The following CLHC1 variants were observed in gnomAD, a reference collection of about 807,000 sequenced individuals.
CLHC1 encodes clathrin heavy chain linker domain containing 1.
A neutral mutation model predicts 69.5 loss-of-function variants in CLHC1; 72 were observed. The ratio of observed to expected loss-of-function variants is 1.04; its 90% CI spans 0.86 to 1.26. The LOEUF (loss-of-function observed/expected upper bound fraction) is 1.26, where lower values mean the gene tolerates loss of function less well. Among genes scored for constraint, CLHC1 ranks in the 50% most tolerant of loss-of-function variants. The pLI is 0.00. For synonymous variants in CLHC1, 223 were observed against 224.3 expected (o/e 0.99, Z 0.05); for missense variants, 790 against 679.3 (o/e 1.16, Z -1.81).
At chr2:55,202,262 A>AG (rs1672017499) in intron 9 of CLHC1, among the ~76,000 whole-genome samples, 1 of 151,694 alleles carries the variant, frequency 6.6e-6, no homozygotes, top group Admixed American at 6.6e-5. Context: ...TTTGAAAAAA[A>AG]AAAAAAAACC....
chr2:55,204,384 G>A (rs1189014944), intron 9 of CLHC1, among the ~76,000 whole-genome samples: 2 of 152,192 alleles, frequency 1.3e-5, no homozygotes, highest in East Asian at 3.8e-4. Context: ...TTGATCATTA[G>A]AGACATACAA....
intron 9 of CLHC1, among the ~76,000 whole-genome samples, chr2:55,185,750 C>A (rs111482269): frequency 1.4e-4 from 21 of 152,246 alleles, no homozygotes; most frequent in African/African-American, 4.1e-4. Context: ...TCTTACTAAT[C>A]TTTGTATCTT....
chr2:55,175,794 CA>C lies in CLHC1; in HGVS notation c.1756del (p.Trp586GlyfsTer6), dbSNP rs1180156078. The C allele has an allele frequency of 4.3e-6, 7 of 1,613,246 alleles. No homozygotes were observed. Among genetic ancestry groups the C allele is most frequent in the Middle Eastern group, 3.3e-4 (2 of 6,056 alleles). ...TCAGCTGGTTAAGATATAGAACTAC[CA>C]AAACACATGTTCCATTAGGTTGACT... is the stretch of plus-strand genomic sequence containing the variant. Reference protein sequence around the residue: ...DAVNLMEHVFW With the variant: ...DAVNLMEHVFX On this transcript the variant is annotated frameshift_variant, in exon 13 of 13. Transcript: ENST00000401408. LOFTEE classifies it high-confidence loss of function.
chr2:55,229,474 T>C (rs916286734), intron 1 of CLHC1, among the ~76,000 whole-genome samples: 6 of 152,114 alleles, frequency 3.9e-5, no homozygotes, highest in African/African-American at 1.4e-4. Context: ...CCCGTGGGGC[T>C]AGAAGAGAAT....
At chr2:55,188,326 T>C (rs562732626) in intron 9 of CLHC1, among the ~76,000 whole-genome samples, 28 of 152,078 alleles carry the variant, frequency 1.8e-4, no homozygotes, top group Non-Finnish European at 3.4e-4. Context: ...AACAAAAGGG[T>C]ATATGTGTAT....
At chr2:55,219,247 G>T (rs926623750) in intron 3 of CLHC1, among the ~76,000 whole-genome samples, 1 of 152,164 alleles carries the variant, frequency 6.6e-6, no homozygotes, top group Non-Finnish European at 1.5e-5. Context: ...TAATAAATAT[G>T]TAGTGGTATC....
chr2:55,199,146 A>T (rs1385461233), intron 9 of CLHC1, among the ~76,000 whole-genome samples: 3 of 151,802 alleles, frequency 2.0e-5, no homozygotes, highest in Admixed American at 1.3e-4. Flanking sequence ...AAATACAAAA[A>T]ACTAGCTGGG....
chr2:55,175,633 A>C lies in CLHC1; in HGVS notation c.*157T>G. 3.5e-6 allele frequency: 2 copies of C among 571,490 alleles called. No homozygotes were observed. The highest frequency in any genetic ancestry group is 5.6e-5 in the East Asian group (2 of 35,912). 35.4% of individuals were successfully genotyped at this position (571,490 alleles called of 1,614,324 possible). A position where few individuals can be genotyped will look rare whatever the true frequency, so the allele number is the denominator to read the frequency against. ...AGGAAGCAATAGTATAAATATTTCA[A>C]AGACAAATCTAAATGTCATCATAAC... On this transcript the variant is annotated 3_prime_UTR_variant, in exon 13 of 13. Transcript: ENST00000401408.
chr2:55,210,816 ACT>A (rs920141893), intron 5 of CLHC1, among the ~76,000 whole-genome samples: 1 of 151,628 alleles, frequency 6.6e-6, no homozygotes, highest in Non-Finnish European at 1.5e-5. Flanking sequence ...ATTATTCATA[ACT>A]CTCTCTCTTT....
At chr2:55,201,913 A>T (rs374201907) in intron 9 of CLHC1, among the ~76,000 whole-genome samples, 3 of 152,240 alleles carry the variant, frequency 2.0e-5, no homozygotes, top group African/African-American at 7.2e-5. Context: ...GACAAAAACC[A>T]TATGATAATT....
chr2:55,223,351 A>T (rs1187698565), intron 2 of CLHC1, among the ~76,000 whole-genome samples: 1 of 152,184 alleles, frequency 6.6e-6, no homozygotes, highest in East Asian at 1.9e-4. Flanking sequence ...GTCAAAAGTA[A>T]CAGTATTTTT....
At chr2:55,210,634 A>ATATTT (rs1455335388) in intron 5 of CLHC1, among the ~76,000 whole-genome samples, 2 of 152,234 alleles carry the variant, frequency 1.3e-5, no homozygotes, top group African/African-American at 4.8e-5. Flanking sequence ...GTTACTCAGT[A>ATATTT]ACGCCACGAG....
chr2:55,180,361 T>C (rs1669808885), intron 11 of CLHC1, 149 bp downstream of exon 11: 3 of 597,208 alleles, frequency 5.0e-6, no homozygotes, highest in Admixed American at 3.2e-5. Flanking sequence ...ACTATGTTCA[T>C]GAAAAATTAC....
At chr2:55,186,655 T>C (rs1273308772) in intron 9 of CLHC1, among the ~76,000 whole-genome samples, 7 of 151,898 alleles carry the variant, frequency 4.6e-5, no homozygotes, top group African/African-American at 1.7e-4. Context: ...CCCACCAGTA[T>C]AGGGAGCTAC....
At chr2:55,198,156 A>G (rs1269522049) in intron 9 of CLHC1, among the ~76,000 whole-genome samples, 2 of 152,196 alleles carry the variant, frequency 1.3e-5, no homozygotes, top group Non-Finnish European at 2.9e-5. Flanking sequence ...GTGAGAGGAA[A>G]CAAAAGAAAA....
At position 55,173,093 on chromosome 2, in the gene CLHC1, T is replaced by C. The variant is rs1191647037; in HGVS notation, c.*2697A>G. 2.0e-5 allele frequency among the ~76,000 whole-genome samples: 3 copies of C among 152,190 alleles called. No homozygotes were observed. The highest frequency in any genetic ancestry group is 4.4e-5 in the Non-Finnish European group (3 of 68,030). On this transcript the variant is annotated 3_prime_UTR_variant, in exon 13 of 13. Coordinates refer to ENST00000401408, the MANE Select transcript of CLHC1 (RefSeq NM_152385.4). ...CTAATATGAAATCAGAGAAACTTAG[T>C]TCATCATGACCCTTGCTTTGCAACT...
rs1383112330 is a variant in CLHC1 at position 55,175,475 on chromosome 2, T to C, written c.*315A>G. On this transcript the variant is annotated 3_prime_UTR_variant, in exon 13 of 13. Coordinates refer to ENST00000401408, the MANE Select transcript of CLHC1 (RefSeq NM_152385.4). ...ACCTTCCTCAGTTCTTGCTATCATATTACATCACCAGAAAGTAATATATCT... is the reference window on the plus strand; with the variant it reads ...ACCTTCCTCAGTTCTTGCTATCATACTACATCACCAGAAAGTAATATATCT... The C allele has an allele frequency of 7.9e-6, 2 of 252,404 alleles. No individual in the cohort carries two copies. Among genetic ancestry groups the C allele is most frequent in the Non-Finnish European group, 1.5e-5 (2 of 130,230 alleles). 15.6% of individuals were successfully genotyped at this position (252,404 alleles called of 1,614,324 possible).
intron 8 of CLHC1, among the ~76,000 whole-genome samples, chr2:55,207,413 T>C (rs1045930686): frequency 1.3e-5 from 2 of 152,172 alleles, no homozygotes; most frequent in African/African-American, 4.8e-5. Flanking sequence ...CATAAAACTT[T>C]CAATCTCAAC....
intron 9 of CLHC1, among the ~76,000 whole-genome samples, chr2:55,205,246 C>A (rs1033610008): frequency 6.6e-6 from 1 of 152,090 alleles, no homozygotes; most frequent in African/African-American, 2.4e-5. Context: ...CCATTCAATC[C>A]AGCAATCCCG....
Sources: gnomAD v4.1 joint callset for allele counts (sites outside exome capture counted in the v4.1 genomes callset) on GRCh38, gnomAD v4.1.1 for gene constraint, MANE v1.5 for transcripts, NCBI Gene and HGNC (gene_info 2026-07-23, HGNC 2026-07-21) for gene names.